The following LRRTM4 variants were observed in gnomAD, a reference collection of about 807,000 sequenced individuals.
The protein encoded by LRRTM4 is leucine rich repeat transmembrane neuronal 4, also known as leucine-rich repeat transmembrane neuronal protein 4.
A neutral mutation model predicts 47.6 loss-of-function variants in LRRTM4; 25 were observed. The observed-to-expected ratio is 0.53, with a 90% CI of 0.38 to 0.73. The LOEUF (loss-of-function observed/expected upper bound fraction) is 0.73, where lower values mean the gene tolerates loss of function less well. LRRTM4 is among the 30% of genes least tolerant of loss of function. The pLI is 0.00. For missense variants in LRRTM4, 638 were observed against 713.4 expected (o/e 0.89, Z 1.20); for synonymous variants, 311 against 269.5 (o/e 1.15, Z -1.51).
chr2:77,248,218 T>A (rs1488293074), intron 3 of LRRTM4, among the ~76,000 whole-genome samples: 1 of 151,602 alleles, frequency 6.6e-6, no homozygotes, highest in African/African-American at 2.4e-5. Context: ...AATTGTGTGT[T>A]TTATGTGAGT....
intron 3 of LRRTM4, among the ~76,000 whole-genome samples, chr2:77,297,440 T>G (rs1677004300): frequency 6.6e-6 from 1 of 152,182 alleles, no homozygotes; most frequent in African/African-American, 2.4e-5. Context: ...GGTTCCAATT[T>G]AGAAGCATTA....
At chr2:77,469,256 C>G (rs960239361) in intron 3 of LRRTM4, among the ~76,000 whole-genome samples, 1 of 152,224 alleles carries the variant, frequency 6.6e-6, no homozygotes, top group East Asian at 1.9e-4. Context: ...AAGCGTTTGC[C>G]TCTGAAAGCA....
Position 76,851,682 on chromosome 2 carries a change from C to G in LRRTM4, c.1552-102766G>C, listed in dbSNP as rs144886205. 5.9e-3 allele frequency among the ~76,000 whole-genome samples: 887 copies of G among 150,084 alleles called. 11 individuals are homozygous for G. Among genetic ancestry groups the G allele is most frequent in the African/African-American group, 0.021 (844 of 40,934 alleles). ...ATTTGACAGAGTGGGAGTAGATGAT[C>G]TTCATATTTCTTAAAGACCAGAAAT... On this transcript the variant is annotated intron_variant, in intron 3 of 3. Coordinates refer to ENST00000409884, the MANE Select transcript of LRRTM4 (RefSeq NM_001134745.3).
At chr2:76,924,558 G>A (rs150708326) in intron 3 of LRRTM4, among the ~76,000 whole-genome samples, 2 of 151,438 alleles carry the variant, frequency 1.3e-5, no homozygotes, top group Non-Finnish European at 2.9e-5. Flanking sequence ...GGTGGTAGAA[G>A]AATAAATACA....
chr2:77,151,159 G>A (rs187440725), intron 3 of LRRTM4, among the ~76,000 whole-genome samples: 5 of 151,994 alleles, frequency 3.3e-5, no homozygotes, highest in Admixed American at 3.3e-4. Context: ...GTGTATATGT[G>A]TGTATGTGTA....
intron 3 of LRRTM4, among the ~76,000 whole-genome samples, chr2:76,777,277 T>G (rs962055351): frequency 3.4e-5 from 5 of 146,272 alleles, no homozygotes; most frequent in Admixed American, 6.8e-5. Context: ...TTAAAGTAGT[T>G]TTTTCCAATT....
At chr2:77,368,622 C>T (rs910680164) in intron 3 of LRRTM4, among the ~76,000 whole-genome samples, 1 of 151,600 alleles carries the variant, frequency 6.6e-6, no homozygotes, top group African/African-American at 2.4e-5. Flanking sequence ...CATTATTTTG[C>T]ATTATGTTAT....
intron 3 of LRRTM4, among the ~76,000 whole-genome samples, chr2:76,842,765 G>A (rs1671722340): frequency 6.6e-6 from 1 of 152,012 alleles, no homozygotes; most frequent in Non-Finnish European, 1.5e-5. Flanking sequence ...TGGGATACAT[G>A]TGCAGAATGT....
chr2:76,841,322 G>T (rs2103933456), intron 3 of LRRTM4, among the ~76,000 whole-genome samples: 1 of 151,780 alleles, frequency 6.6e-6, no homozygotes, highest in South Asian at 2.1e-4. Flanking sequence ...TATACCTAAT[G>T]CTAAATGACG....
chr2:76,843,942 C>T (rs1418899170), intron 3 of LRRTM4, among the ~76,000 whole-genome samples: 2 of 144,982 alleles, frequency 1.4e-5, no homozygotes, highest in African/African-American at 5.1e-5. Flanking sequence ...GAGTCTCATG[C>T]CCAGACTGGA....
At chr2:77,030,904 C>T (rs962982207) in intron 3 of LRRTM4, among the ~76,000 whole-genome samples, 3 of 152,164 alleles carry the variant, frequency 2.0e-5, no homozygotes, top group African/African-American at 7.2e-5. Context: ...CTCAAACACT[C>T]TTCAGGTTCT....
chr2:77,058,433 T>C (rs961659608), intron 3 of LRRTM4, among the ~76,000 whole-genome samples: 2 of 152,172 alleles, frequency 1.3e-5, no homozygotes, highest in African/African-American at 2.4e-5. Flanking sequence ...CAATATAAAA[T>C]AAATCCTTGG....
At chr2:77,332,209 A>C (rs764516819) in intron 3 of LRRTM4, among the ~76,000 whole-genome samples, 3 of 152,146 alleles carry the variant, frequency 2.0e-5, no homozygotes, top group Non-Finnish European at 4.4e-5. Context: ...TTTTAGGTTT[A>C]CTTGCACTCT....
chr2:77,388,289 C>G (rs1170679439), intron 3 of LRRTM4, among the ~76,000 whole-genome samples: 1 of 152,066 alleles, frequency 6.6e-6, no homozygotes, highest in East Asian at 1.9e-4. Context: ...GTCCAAATCC[C>G]TTTAAGGTCA....
intron 3 of LRRTM4, among the ~76,000 whole-genome samples, chr2:77,338,927 GAACAAAATTA>G (rs1208349786): frequency 6.6e-6 from 1 of 151,808 alleles, no homozygotes; most frequent in Non-Finnish European, 1.5e-5. Flanking sequence ...GCCATAAAAA[GAACAAAATTA>G]TGTCCTTTGC....
intron 3 of LRRTM4, among the ~76,000 whole-genome samples, chr2:77,269,348 T>C (rs1041420148): frequency 2.0e-5 from 3 of 152,134 alleles, no homozygotes; most frequent in African/African-American, 7.2e-5. Context: ...TCAAGAATGG[T>C]GGCACATAAA....
At chr2:76,779,391 A>C (rs1277761263) in intron 3 of LRRTM4, among the ~76,000 whole-genome samples, 3 of 150,750 alleles carry the variant, frequency 2.0e-5, no homozygotes, top group Non-Finnish European at 4.4e-5. Context: ...AATGTATGGG[A>C]GTCTAAGTCT....
chr2:76,977,262 C>T (rs1243297190), intron 3 of LRRTM4, among the ~76,000 whole-genome samples: 1 of 151,386 alleles, frequency 6.6e-6, no homozygotes, highest in Non-Finnish European at 1.5e-5. Context: ...CTGTACACTT[C>T]CCCCTAATTT....
chr2:77,201,162 G>A (rs1374826046), intron 3 of LRRTM4, among the ~76,000 whole-genome samples: 1 of 152,024 alleles, frequency 6.6e-6, no homozygotes, highest in Admixed American at 6.6e-5. Context: ...ATATAGCAAA[G>A]GAAAAGAAAG....
Sources: gnomAD v4.1 joint callset for allele counts (sites outside exome capture counted in the v4.1 genomes callset) on GRCh38, gnomAD v4.1.1 for gene constraint, MANE v1.5 for transcripts, NCBI Gene and HGNC (gene_info 2026-07-23, HGNC 2026-07-21) for gene names.